Variants in MEF2A observed in about 807,000 individuals in gnomAD.
MEF2A encodes myocyte enhancer factor 2A, also known as myocyte-specific enhancer factor 2A.
Under a neutral mutation model 55.8 loss-of-function variants are expected in MEF2A, and 28 were observed. The ratio of observed to expected loss-of-function variants is 0.50; its 90% CI spans 0.37 to 0.69. The LOEUF is 0.69. Ranked by LOEUF, MEF2A falls within the 30% of genes least tolerant of loss-of-function variation. The pLI, the probability that MEF2A is intolerant of heterozygous loss-of-function variation, is 0.00. For missense variants in MEF2A, 528 were observed against 626.2 expected (o/e 0.84, Z 1.67); for synonymous variants, 239 against 227.1 (o/e 1.05, Z -0.47).
At chr15:99,587,896 T>C (rs1347353962) in intron 1 of MEF2A, among the ~76,000 whole-genome samples, 2 of 152,172 alleles carry the variant, frequency 1.3e-5, no homozygotes, top group Non-Finnish European at 2.9e-5. Context: ...TAATTCTTCC[T>C]TTCCAATCTG....
intron 7 of MEF2A, among the ~76,000 whole-genome samples, chr15:99,684,845 A>T (rs758089774): frequency 1.3e-5 from 2 of 152,170 alleles, no homozygotes; most frequent in Non-Finnish European, 2.9e-5. Context: ...TAAGTCTTTG[A>T]TTCATCTTGA....
At chr15:99,693,379 A>G (rs2055862769) in intron 8 of MEF2A, among the ~76,000 whole-genome samples, 1 of 152,146 alleles carries the variant, frequency 6.6e-6, no homozygotes, top group African/African-American at 2.4e-5. Flanking sequence ...AATAACCAGT[A>G]CCAAGTAGGA....
chr15:99,675,168 A>G (rs2051707616), intron 6 of MEF2A, among the ~76,000 whole-genome samples: 1 of 152,154 alleles, frequency 6.6e-6, no homozygotes, highest in South Asian at 2.1e-4. Flanking sequence ...CAATACCACT[A>G]TTTGGTATTG....
In MEF2A at chr15:99,654,348, T is replaced by C. The variant is rs1010503746; in HGVS notation, c.258+8584T>C. 9.2e-5 allele frequency among the ~76,000 whole-genome samples: 14 copies of C among 152,062 alleles called. 1 individual carries two copies. In the South Asian group the frequency reaches 2.3e-3, roughly 25 times the overall value. ...TGGTTAGTGTACTGGGTTACTAAGC[T>C]CAATGTTTAATAGGGCAGAGAGAAC... On this transcript the variant is annotated intron_variant, in intron 4 of 11. Transcript: ENST00000557942.
Position 99,692,434 on chromosome 15 carries a change from G to T in MEF2A, c.858+2006G>T, listed in dbSNP as rs1257813807. ...CATAGTTTTCCTTGAACTCATTATAGTGCTGAGATTTCACGGCAACCAACT... is the reference window on the plus strand; with the variant it reads ...CATAGTTTTCCTTGAACTCATTATATTGCTGAGATTTCACGGCAACCAACT... On this transcript the variant is annotated intron_variant, in intron 8 of 11. Coordinates refer to ENST00000557942, the MANE Select transcript of MEF2A (RefSeq NM_001319206.4). Among the ~76,000 whole-genome samples, 5 of 152,284 alleles carry T rather than the reference G, an allele frequency of 3.3e-5. No homozygotes were observed. In the East Asian group the frequency reaches 9.6e-4, roughly 29 times the overall value.
intron 4 of MEF2A, among the ~76,000 whole-genome samples, chr15:99,646,823 C>A (rs1268671537): frequency 2.0e-5 from 3 of 152,070 alleles, no homozygotes; most frequent in Admixed American, 6.5e-5. Flanking sequence ...GATACCATTA[C>A]TACACACATA....
intron 4 of MEF2A, among the ~76,000 whole-genome samples, chr15:99,664,546 T>C (rs987646096): frequency 1.3e-5 from 2 of 152,030 alleles, no homozygotes; most frequent in African/African-American, 2.4e-5. Context: ...ACAGATAGAA[T>C]GGAGAGAGAG....
chr15:99,703,623 G>GT (rs2057691765), intron 9 of MEF2A, among the ~76,000 whole-genome samples: 1 of 151,878 alleles, frequency 6.6e-6, no homozygotes, highest in South Asian at 2.1e-4. Flanking sequence ...TTTAAAAACA[G>GT]TAGCTGTCCA....
At chr15:99,648,731 A>G (rs949248981) in intron 4 of MEF2A, among the ~76,000 whole-genome samples, 4 of 152,158 alleles carry the variant, frequency 2.6e-5, no homozygotes, top group African/African-American at 9.7e-5. Context: ...TCTTGAGTAT[A>G]TTAACATGGC....
At chr15:99,647,590 C>T (rs745345082) in intron 4 of MEF2A, among the ~76,000 whole-genome samples, 1 of 152,150 alleles carries the variant, frequency 6.6e-6, no homozygotes, top group Non-Finnish European at 1.5e-5. Flanking sequence ...CAATCTTCAT[C>T]TCTGTTGTGG....
chr15:99,631,064 T>A (rs1239866959), intron 2 of MEF2A, among the ~76,000 whole-genome samples: 4 of 152,212 alleles, frequency 2.6e-5, no homozygotes, highest in Admixed American at 2.6e-4. Flanking sequence ...ACAGATTATC[T>A]TGTGTTTTTC....
chr15:99,647,689 C>T (rs911692566), intron 4 of MEF2A, among the ~76,000 whole-genome samples: 5 of 152,054 alleles, frequency 3.3e-5, no homozygotes, highest in South Asian at 4.1e-4. Flanking sequence ...AAAACTTTTG[C>T]GGCTCAATTA....
intron 2 of MEF2A, among the ~76,000 whole-genome samples, chr15:99,604,858 A>T (rs556070838): frequency 1.4e-4 from 22 of 152,236 alleles, no homozygotes; most frequent in African/African-American, 5.1e-4. Flanking sequence ...CATTAAGGTT[A>T]TATCCTTTTG....
At chr15:99,695,233 A>G (rs1161115343) in intron 8 of MEF2A, among the ~76,000 whole-genome samples, 1 of 152,194 alleles carries the variant, frequency 6.6e-6, no homozygotes. Context: ...TAAAAATAAA[A>G]TATATGACAA....
At chr15:99,666,610 T>TAATAATAATAATAAA (rs558175306) in intron 4 of MEF2A, among the ~76,000 whole-genome samples, 28 of 148,430 alleles carry the variant, frequency 1.9e-4, no homozygotes, top group East Asian at 1.4e-3. Flanking sequence ...ATAATAATAA[T>TAATAATAATAATAAA]AAAAAGATCA....
intron 5 of MEF2A, among the ~76,000 whole-genome samples, chr15:99,672,120 G>A (rs1567394248): frequency 1.3e-5 from 2 of 152,148 alleles, no homozygotes; most frequent in African/African-American, 4.8e-5. Context: ...TGCGAAACTT[G>A]TTTTTTTCCT....
chr15:99,698,322 C>T (rs915442388), intron 8 of MEF2A, among the ~76,000 whole-genome samples: 16 of 151,932 alleles, frequency 1.1e-4, no homozygotes, highest in African/African-American at 3.9e-4. Flanking sequence ...TTCTTAAAAC[C>T]CAACAGTAAG....
At chr15:99,673,143 T>C (rs1251938428) in intron 5 of MEF2A, among the ~76,000 whole-genome samples, 1 of 152,192 alleles carries the variant, frequency 6.6e-6, no homozygotes, top group Non-Finnish European at 1.5e-5. Flanking sequence ...TGGAATTCTC[T>C]ATGGCATCAT....
chr15:99,695,688 T>C (rs1054972791), intron 8 of MEF2A, among the ~76,000 whole-genome samples: 2 of 151,908 alleles, frequency 1.3e-5, no homozygotes, highest in African/African-American at 4.8e-5. Context: ...GGAGAAACCC[T>C]GTCTCTACTA....
Sources: gnomAD v4.1 joint callset for allele counts (sites outside exome capture counted in the v4.1 genomes callset) on GRCh38, gnomAD v4.1.1 for gene constraint, MANE v1.5 for transcripts, NCBI Gene and HGNC (gene_info 2026-07-23, HGNC 2026-07-21) for gene names.